Variants in COL11A1 observed in about 807,000 individuals in gnomAD.
COL11A1 encodes collagen alpha-1(XI) chain.
A neutral mutation model predicts 265.2 loss-of-function variants in COL11A1; 74 were observed. The observed-to-expected ratio is 0.28, with a 90% CI of 0.23 to 0.34. The LOEUF is 0.34. Ranked by LOEUF, COL11A1 falls within the 10% of genes least tolerant of loss-of-function variation. The pLI, the probability that COL11A1 is intolerant of heterozygous loss-of-function variation, is 1.00. For synonymous variants in COL11A1, 816 were observed against 727.6 expected, an observed-to-expected ratio of 1.12 and a Z score of -1.96; for missense variants, 2,165 against 2,263.6, an observed-to-expected ratio of 0.96 and a Z score of 0.88.
intron 4 of COL11A1, among the ~76,000 whole-genome samples, chr1:103,057,051 T>G (rs1343074036): frequency 6.6e-6 from 1 of 152,144 alleles, no homozygotes; most frequent in Non-Finnish European, 1.5e-5. Context: ...GCCACATCAA[T>G]TGACTCTTCC....
intron 4 of COL11A1, among the ~76,000 whole-genome samples, chr1:103,061,835 T>G (rs1397349997): frequency 6.6e-6 from 1 of 151,676 alleles, no homozygotes; most frequent in Non-Finnish European, 1.5e-5. Flanking sequence ...CAAAAGAAAA[T>G]TAAATTACAC....
rs181302919 is a variant in COL11A1, at chr1:102,941,360, A to G, written c.3277-926T>C. Among the ~76,000 whole-genome samples the G allele has an allele frequency of 9.0e-4, 137 of 152,212 alleles. 1 individual carries two copies. The Middle Eastern group carries it at 0.01, about 11-fold the overall frequency. On this transcript the variant is annotated intron_variant, in intron 42 of 66. Coordinates refer to ENST00000370096, the MANE Select transcript of COL11A1 (RefSeq NM_001854.4). Reference sequence around the variant, plus strand: ...ACGTATTCTTACTTCCTTCCAATCTATTCATCACACTGCATCCAGAAAGCC... The same window carrying G: ...ACGTATTCTTACTTCCTTCCAATCTGTTCATCACACTGCATCCAGAAAGCC...
intron 54 of COL11A1, among the ~76,000 whole-genome samples, chr1:102,902,180 A>G (rs573867814): frequency 1.6e-4 from 25 of 152,292 alleles, no homozygotes; most frequent in Non-Finnish European, 2.8e-4. Flanking sequence ...GATAGTCTCT[A>G]TGGACCTGTT....
At chr1:103,066,262 A>G (rs1671138335) in intron 4 of COL11A1, among the ~76,000 whole-genome samples, 2 of 152,124 alleles carry the variant, frequency 1.3e-5, no homozygotes, top group East Asian at 3.9e-4. Context: ...TTATCTTAAA[A>G]GCTTTAAAAT....
At chr1:103,085,932 A>G (rs1322683892) in intron 1 of COL11A1, among the ~76,000 whole-genome samples, 2 of 152,138 alleles carry the variant, frequency 1.3e-5, no homozygotes, top group African/African-American at 2.4e-5. Flanking sequence ...TCCTGTGCAG[A>G]TTGAGATTTA....
chr1:103,060,422 T>C (rs1407403735), intron 4 of COL11A1, among the ~76,000 whole-genome samples: 1 of 152,098 alleles, frequency 6.6e-6, no homozygotes, highest in African/African-American at 2.4e-5. Flanking sequence ...ATTCAGAGAA[T>C]GAATAAGTGA....
intron 3 of COL11A1, among the ~76,000 whole-genome samples, chr1:103,076,712 T>C (rs150125021): frequency 6.6e-6 from 1 of 152,272 alleles, no homozygotes; most frequent in African/African-American, 2.4e-5. Flanking sequence ...CTATCTAAAA[T>C]AGTACACTCT....
At chr1:102,912,992 T>C (rs1438245382) in intron 53 of COL11A1, among the ~76,000 whole-genome samples, 1 of 152,150 alleles carries the variant, frequency 6.6e-6, no homozygotes, top group Non-Finnish European at 1.5e-5. Context: ...CTCACAGCAG[T>C]ATGAGAATGG....
intron 1 of COL11A1, among the ~76,000 whole-genome samples, chr1:103,093,863 A>G (rs2102382285): frequency 6.6e-6 from 1 of 152,260 alleles, no homozygotes; most frequent in African/African-American, 2.4e-5. Context: ...TGGGGTCATA[A>G]GGATTTTTAA....
At chr1:102,990,683 G>C (rs1178518942) in intron 28 of COL11A1, among the ~76,000 whole-genome samples, 1 of 151,562 alleles carries the variant, frequency 6.6e-6, no homozygotes, top group African/African-American at 2.4e-5. Context: ...AATTAATTGA[G>C]CAATTACTCA....
At position 103,108,478 on chromosome 1, in the gene COL11A1, C is replaced by A. The variant is rs1181035457; in HGVS notation, c.-300G>T. 2 of 595,520 alleles carry A rather than the reference C, an allele frequency of 3.4e-6. No individual in the cohort carries two copies. Among genetic ancestry groups the A allele is most frequent in the African/African-American group, 3.7e-5 (2 of 53,734 alleles). 36.9% of individuals were successfully genotyped at this position (595,520 alleles called of 1,614,324 possible). On this transcript the variant is annotated 5_prime_UTR_variant, in exon 1 of 67. Coordinates refer to ENST00000370096, the MANE Select transcript of COL11A1 (RefSeq NM_001854.4). Reference sequence around the variant, plus strand: ...AAGGCAGATGAGGGGCTTCCACCAACAAGCTGAGAGTACTGTGTGCCCCTA... The same window carrying A: ...AAGGCAGATGAGGGGCTTCCACCAAAAAGCTGAGAGTACTGTGTGCCCCTA...
At chr1:102,924,113 C>A (rs112886602) in intron 46 of COL11A1, among the ~76,000 whole-genome samples, 4 of 151,048 alleles carry the variant, frequency 2.6e-5, no homozygotes, top group Admixed American at 6.6e-5. Context: ...CACAGCTACT[C>A]GGGAGGCTGA....
intron 53 of COL11A1, among the ~76,000 whole-genome samples, chr1:102,913,114 G>A (rs547953527): frequency 1.3e-5 from 2 of 152,252 alleles, no homozygotes; most frequent in East Asian, 1.9e-4. Context: ...ATTGTGTTGA[G>A]GGACCATTGT....
chr1:102,915,113 G>A (rs1404005223), intron 50 of COL11A1, among the ~76,000 whole-genome samples: 2 of 152,012 alleles, frequency 1.3e-5, no homozygotes, highest in Non-Finnish European at 2.9e-5. Flanking sequence ...ACCACGTTGG[G>A]CCAGACAATT....
chr1:103,074,759 G>T lies in COL11A1; in HGVS notation c.510C>A (p.Ser170Arg), dbSNP rs749497678. ...ADGKWHRVAISVEKKTVTMIV... is the reference protein window; with the variant it reads ...ADGKWHRVAIRVEKKTVTMIV... The stretch of plus-strand genomic sequence containing the variant: ...TCATTGTCACAGTTTTCTTCTCCAC[G>T]CTGATTGCTACCCGATGCCACCTAA... The change falls in exon 4 of 67, where the codon AGC (serine) becomes AGA (arginine). Residue 170 changes from serine (S) to arginine (R), a missense_variant. Transcript: ENST00000370096. The T allele has an allele frequency of 6.2e-7, 1 of 1,613,078 alleles. No homozygotes were observed. Among genetic ancestry groups the T allele is most frequent in the Non-Finnish European group, 8.5e-7 (1 of 1,179,520 alleles).
chr1:102,891,151 C>G (rs1651729392), intron 57 of COL11A1, among the ~76,000 whole-genome samples: 2 of 151,970 alleles, frequency 1.3e-5, no homozygotes, highest in Admixed American at 1.3e-4. Context: ...ATTCTTTGTT[C>G]TCTTGAAATC....
rs577408378 is a variant in COL11A1, at chr1:103,013,799, T to TA, written c.1572+711dup. ...AAAAATCCTTTATTTCCTTCTTCCT[T>TA]AAAAAGAAAACCAATACTATGAATA... On this transcript the variant is annotated intron_variant, in intron 13 of 66. Coordinates refer to ENST00000370096, the MANE Select transcript of COL11A1 (RefSeq NM_001854.4). Among the ~76,000 whole-genome samples, 27 of 151,994 alleles carry TA rather than the reference T, an allele frequency of 1.8e-4. No individual in the cohort carries two copies. The South Asian group carries it at 3.1e-3, about 18-fold the overall frequency.
intron 1 of COL11A1, among the ~76,000 whole-genome samples, chr1:103,107,288 C>T (rs917441396): frequency 2.0e-5 from 3 of 151,802 alleles, no homozygotes; most frequent in Admixed American, 6.6e-5. Context: ...CTCCCCTTCC[C>T]TCCCAATCCC....
At chr1:103,062,239 T>A (rs1045393889) in intron 4 of COL11A1, among the ~76,000 whole-genome samples, 2 of 152,086 alleles carry the variant, frequency 1.3e-5, no homozygotes, top group Admixed American at 6.5e-5. Context: ...ACTGTTGAAG[T>A]CTATCAAACA....
Sources: allele counts gnomAD v4.1 joint callset (sites outside exome capture counted in the v4.1 genomes callset), GRCh38; gene constraint gnomAD v4.1.1; transcripts MANE v1.5; gene names NCBI Gene and HGNC (gene_info 2026-07-23, HGNC 2026-07-21).